Variants in PHKB observed in about 807,000 individuals in gnomAD.
PHKB encodes phosphorylase b kinase regulatory subunit beta.
A neutral mutation model predicts 152.1 loss-of-function variants in PHKB; 122 were observed. The observed-to-expected ratio is 0.80, with a 90% CI of 0.69 to 0.93. The LOEUF (loss-of-function observed/expected upper bound fraction) is 0.93. Ranked by LOEUF, PHKB falls within the 40% of genes least tolerant of loss-of-function variation. The pLI is 0.00. For synonymous variants in PHKB, 436 were observed against 464.9 expected (o/e 0.94, Z 0.80); for missense variants, 1,304 against 1,328.4 (o/e 0.98, Z 0.29).
In PHKB at chr16:47,501,205, C is replaced by T. The variant is rs569604412; in HGVS notation, c.305+1311C>T. Among the ~76,000 whole-genome samples, 16 of 152,326 alleles carry T rather than the reference C, an allele frequency of 1.1e-4. No homozygotes were observed. The East Asian group carries it at 1.7e-3, about 17-fold the overall frequency. Reference sequence around the variant, plus strand: ...CAATGGGAAATACACCTTGTGCTAACATCTTACCAAGTTATCTAACATGAG... The same window carrying T: ...CAATGGGAAATACACCTTGTGCTAATATCTTACCAAGTTATCTAACATGAG... On this transcript the variant is annotated intron_variant, in intron 3 of 30. Transcript: ENST00000323584.
At chr16:47,606,990 GC>G (rs1327959835) in intron 13 of PHKB, among the ~76,000 whole-genome samples, 2 of 152,226 alleles carry the variant, frequency 1.3e-5, no homozygotes, top group Middle Eastern at 3.4e-3. Flanking sequence ...TGAGGATGTT[GC>G]CTTCATGTTG....
At chr16:47,461,516 G>A (rs2151623151) in intron 1 of PHKB, 90 bp downstream of exon 1, 1 of 1,331,062 alleles carries the variant, frequency 7.5e-7, no homozygotes, top group African/African-American at 1.4e-5. Context: ...TGGGGGCCCT[G>A]GGAATGAACC....
intron 14 of PHKB, among the ~76,000 whole-genome samples, chr16:47,626,460 AG>A (rs1200789604): frequency 2.0e-5 from 3 of 152,182 alleles, no homozygotes; most frequent in Admixed American, 6.5e-5. Context: ...TTCCCCTCCA[AG>A]GCCTCTCTTC....
chr16:47,564,963 T>C (rs186943676), intron 7 of PHKB: 2 of 249,962 alleles, frequency 8.0e-6, no homozygotes, highest in Non-Finnish European at 1.6e-5. Flanking sequence ...TGTGTCTTTT[T>C]TTTTTTTTCC....
intron 4 of PHKB, among the ~76,000 whole-genome samples, chr16:47,509,963 C>T (rs1006887974): frequency 1.6e-4 from 24 of 152,352 alleles, no homozygotes; most frequent in African/African-American, 5.8e-4. Flanking sequence ...CCACAATTCT[C>T]TCTGACTTGG....
intron 5 of PHKB, among the ~76,000 whole-genome samples, chr16:47,513,237 C>G (rs1970539936): frequency 6.6e-6 from 1 of 152,108 alleles, no homozygotes; most frequent in Non-Finnish European, 1.5e-5. Flanking sequence ...AGAAGCATCC[C>G]ACAAGTCAGA....
chr16:47,568,969 G>C (rs1348107141), intron 7 of PHKB, among the ~76,000 whole-genome samples: 1 of 152,178 alleles, frequency 6.6e-6, no homozygotes, highest in East Asian at 1.9e-4. Flanking sequence ...AATGTTCCAT[G>C]TGCTGATGAG....
intron 1 of PHKB, among the ~76,000 whole-genome samples, chr16:47,477,477 G>A (rs1416337560): frequency 6.6e-6 from 1 of 152,064 alleles, no homozygotes; most frequent in African/African-American, 2.4e-5. Context: ...TTTACTTGGT[G>A]AATAAAATTC....
At position 47,646,687 on chromosome 16, in the gene PHKB, T is replaced by C. The variant is rs190498176; in HGVS notation, c.1609-1846T>C. Among the ~76,000 whole-genome samples the C allele has an allele frequency of 4.8e-3, 732 of 151,994 alleles. 7 individuals are homozygous for C. The highest frequency in any genetic ancestry group is 0.017 in the African/African-American group (699 of 41,470). On this transcript the variant is annotated intron_variant, in intron 16 of 30. Transcript: ENST00000323584. Reference sequence around the variant, plus strand: ...GTTTAAAAATAAAATGAAATATTATTTTGACCCAAGAAGGTGGCAAGGCCT... The same window carrying C: ...GTTTAAAAATAAAATGAAATATTATCTTGACCCAAGAAGGTGGCAAGGCCT...
chr16:47,680,326 A>G (rs1973825298), intron 26 of PHKB, among the ~76,000 whole-genome samples: 1 of 152,194 alleles, frequency 6.6e-6, no homozygotes, highest in African/African-American at 2.4e-5. Context: ...ATTGATTGGA[A>G]TAGTTTCAGA....
At chr16:47,481,674 C>A (rs1415172045) in intron 1 of PHKB, among the ~76,000 whole-genome samples, 1 of 152,170 alleles carries the variant, frequency 6.6e-6, no homozygotes, top group African/African-American at 2.4e-5. Flanking sequence ...GAAGAGAAGA[C>A]AATTCGTATT....
rs1030748357 is a variant in PHKB, at chr16:47,524,233, C to T, written c.594+8632C>T. Among the ~76,000 whole-genome samples, 6 of 152,200 alleles carry T rather than the reference C, an allele frequency of 3.9e-5. No homozygotes were observed. The East Asian group carries it at 7.7e-4, about 20-fold the overall frequency. On this transcript the variant is annotated intron_variant, in intron 6 of 30. Transcript: ENST00000323584. ...CTCTGCTGTTCCGTGATTTGGATTC[C>T]GTTTGTTTTTCAGTAATTATTGTTT...
chr16:47,677,902 A>C, intron 26 of PHKB, among the ~76,000 whole-genome samples: 1 of 147,238 alleles, frequency 6.8e-6, no homozygotes, highest in African/African-American at 2.5e-5. Context: ...TATATCTCCT[A>C]ATGCTATCCC....
chr16:47,463,135 A>G (rs1206684291), intron 1 of PHKB: 1 of 152,532 alleles, frequency 6.6e-6, no homozygotes, highest in Admixed American at 6.5e-5. Flanking sequence ...TTTTTGCAAC[A>G]TTTCTCTTTA....
At chr16:47,470,809 G>A (rs889860072) in intron 1 of PHKB, among the ~76,000 whole-genome samples, 16 of 152,136 alleles carry the variant, frequency 1.1e-4, no homozygotes, top group African/African-American at 3.6e-4. Context: ...ATTAACTGAT[G>A]TTTATTGGAC....
chr16:47,506,915 A>G (rs1423919442), intron 4 of PHKB, among the ~76,000 whole-genome samples: 1 of 152,170 alleles, frequency 6.6e-6, no homozygotes, highest in Non-Finnish European at 1.5e-5. Context: ...CTGCTGGTTG[A>G]CAAGCTTGGA....
chr16:47,597,372 G>T (rs1972139260), intron 13 of PHKB, among the ~76,000 whole-genome samples: 1 of 152,102 alleles, frequency 6.6e-6, no homozygotes, highest in Non-Finnish European at 1.5e-5. Context: ...TTCCATTAGG[G>T]AAGAATATTT....
intron 6 of PHKB, among the ~76,000 whole-genome samples, chr16:47,532,006 C>T (rs984437528): frequency 3.3e-5 from 5 of 152,126 alleles, no homozygotes; most frequent in Non-Finnish European, 7.4e-5. Context: ...ACATTTGTAA[C>T]ACAGGTATCT....
chr16:47,501,887 A>C (rs1970330221), intron 3 of PHKB, among the ~76,000 whole-genome samples: 1 of 152,218 alleles, frequency 6.6e-6, no homozygotes, highest in Non-Finnish European at 1.5e-5. Flanking sequence ...TATGTAGAAT[A>C]TGCCTCTATT....
Sources: gnomAD v4.1 joint callset for allele counts (sites outside exome capture counted in the v4.1 genomes callset) on GRCh38, gnomAD v4.1.1 for gene constraint, MANE v1.5 for transcripts, NCBI Gene and HGNC (gene_info 2026-07-23, HGNC 2026-07-21) for gene names.